The following TMPRSS11A variants were observed in gnomAD, a reference collection of about 807,000 sequenced individuals.
The protein encoded by TMPRSS11A is transmembrane serine protease 11A.
In TMPRSS11A, 53 loss-of-function variants were observed where a neutral mutation model predicts 58.9. The observed-to-expected ratio is 0.90, with a 90% CI of 0.72 to 1.13. The LOEUF is 1.13. TMPRSS11A is among the 50% of genes most tolerant of loss of function. The pLI is 0.00. For missense variants in TMPRSS11A, 493 were observed against 499.3 expected (o/e 0.99, Z 0.12); for synonymous variants, 167 against 169.8 (o/e 0.98, Z 0.13).
intron 1 of TMPRSS11A, among the ~76,000 whole-genome samples, chr4:67,962,799 T>A (rs1721470042): frequency 6.6e-6 from 1 of 152,218 alleles, no homozygotes. Context: ...ATTCATGTAT[T>A]TTTTCTTCAA....
intron 3 of TMPRSS11A, among the ~76,000 whole-genome samples, chr4:67,943,972 A>C (rs1223945564): frequency 1.3e-5 from 2 of 152,138 alleles, no homozygotes; most frequent in East Asian, 3.8e-4. Flanking sequence ...TATACAACTG[A>C]GTGTGCTTTT....
At chr4:67,948,093 C>G (rs995440612) in intron 1 of TMPRSS11A, among the ~76,000 whole-genome samples, 1 of 151,052 alleles carries the variant, frequency 6.6e-6, no homozygotes, top group Non-Finnish European at 1.5e-5. Flanking sequence ...ATTTTCTTCA[C>G]AGGATTGGTT....
chr4:67,950,221 C>T (rs1019335353), intron 1 of TMPRSS11A, among the ~76,000 whole-genome samples: 3 of 152,146 alleles, frequency 2.0e-5, no homozygotes, highest in African/African-American at 4.8e-5. Context: ...AATTTGTGAT[C>T]CTCTTCCAAG....
intron 7 of TMPRSS11A, among the ~76,000 whole-genome samples, chr4:67,921,886 G>C (rs1720340528): frequency 6.6e-6 from 1 of 152,036 alleles, no homozygotes; most frequent in African/African-American, 2.4e-5. Context: ...AATTGGCAAT[G>C]AAGAAGAAAG....
intron 3 of TMPRSS11A, among the ~76,000 whole-genome samples, chr4:67,939,286 A>G (rs935907477): frequency 7.2e-5 from 11 of 152,070 alleles, no homozygotes; most frequent in South Asian, 4.1e-4. Flanking sequence ...ACTTTACTGA[A>G]GTTGTTTATC....
At chr4:67,939,210 T>G (rs1488249774) in intron 3 of TMPRSS11A, among the ~76,000 whole-genome samples, 2 of 152,156 alleles carry the variant, frequency 1.3e-5, no homozygotes, top group Non-Finnish European at 2.9e-5. Flanking sequence ...CTTGATTTGG[T>G]TCTCAGCTTG....
rs975041305 is a variant in TMPRSS11A at position 67,924,227 on chromosome 4, C to T, written c.482-61G>A. 17 of 1,418,310 alleles carry T rather than the reference C, an allele frequency of 1.2e-5. No homozygotes were observed. The African/African-American group carries it at 2.0e-4, about 16-fold the overall frequency. 87.9% of individuals were successfully genotyped at this position (1,418,310 alleles called of 1,614,324 possible). A position where few individuals can be genotyped will look rare whatever the true frequency, so the allele number is the denominator to read the frequency against. On this transcript the variant is annotated intron_variant, in intron 5 of 9. Coordinates refer to ENST00000508048, the MANE Select transcript of TMPRSS11A (RefSeq NM_001114387.2). The stretch of plus-strand genomic sequence containing the variant: ...ATATTTTCCTGGTTGGTCTCAATGA[C>T]CAGGAATAATCAGAGGATACTGACC...
chr4:67,914,280 A>G (rs1187636667), intron 9 of TMPRSS11A, among the ~76,000 whole-genome samples: 4 of 152,142 alleles, frequency 2.6e-5, no homozygotes, highest in Admixed American at 2.0e-4. Flanking sequence ...ACATCACTTT[A>G]TACTTCTCTG....
chr4:67,942,829 G>C (rs10001742), intron 3 of TMPRSS11A, among the ~76,000 whole-genome samples: 79,420 of 151,920 alleles, frequency 0.52, 21,481 homozygotes, highest in Non-Finnish European at 0.58. Flanking sequence ...TACACACTAT[G>C]AATTAGCAGC....
At chr4:67,915,602 G>T (rs985342405) in intron 8 of TMPRSS11A, among the ~76,000 whole-genome samples, 3 of 152,186 alleles carry the variant, frequency 2.0e-5, no homozygotes, top group Non-Finnish European at 4.4e-5. Context: ...GATTATCAAA[G>T]GTGGGCCTGA....
At chr4:67,960,417 AG>A (rs1721395636) in intron 1 of TMPRSS11A, among the ~76,000 whole-genome samples, 1 of 152,206 alleles carries the variant, frequency 6.6e-6, no homozygotes, top group African/African-American at 2.4e-5. Flanking sequence ...TTGAAATTCC[AG>A]CTCCTTCACT....
intron 1 of TMPRSS11A, among the ~76,000 whole-genome samples, chr4:67,956,571 A>G (rs1247369229): frequency 6.6e-6 from 1 of 152,340 alleles, no homozygotes; most frequent in East Asian, 1.9e-4. Flanking sequence ...CCTATAAAAT[A>G]GGGCAGGGAC....
At chr4:67,917,599 C>G (rs1720194136) in intron 8 of TMPRSS11A, among the ~76,000 whole-genome samples, 1 of 152,136 alleles carries the variant, frequency 6.6e-6, no homozygotes, top group Non-Finnish European at 1.5e-5. Context: ...TTAATTTAAT[C>G]TATTTAATAG....
At chr4:67,940,982 G>T (rs1012179761) in intron 3 of TMPRSS11A, among the ~76,000 whole-genome samples, 1 of 152,116 alleles carries the variant, frequency 6.6e-6, no homozygotes, top group African/African-American at 2.4e-5. Context: ...TTCTCCACCT[G>T]CAGGATGGCC....
chr4:67,914,596 C>T lies in TMPRSS11A; in HGVS notation c.1087G>A (p.Ala363Thr), dbSNP rs533639968. The T allele has an allele frequency of 6.2e-7, 1 of 1,613,466 alleles. No individual in the cohort carries two copies. The highest frequency in any genetic ancestry group is 1.3e-5 in the African/African-American group (1 of 75,018). The change falls in exon 9 of 10, where the codon GCC (alanine) becomes ACC (threonine). Residue 363 changes from alanine to threonine, a missense_variant. Coordinates refer to ENST00000508048, the MANE Select transcript of TMPRSS11A (RefSeq NM_001114387.2). The stretch of plus-strand genomic sequence containing the variant: ...AAATCCCTCCAACTTACCCTGCAGG[C>T]ATCATAAATTCCTTCCATATATCCG... Reference protein sequence around the residue: ...CAGYMEGIYDACRGDSGGPLV... With the variant: ...CAGYMEGIYDTCRGDSGGPLV...
chr4:67,929,096 T>C (rs1720546155), intron 5 of TMPRSS11A, among the ~76,000 whole-genome samples: 1 of 152,270 alleles, frequency 6.6e-6, no homozygotes, highest in East Asian at 1.9e-4. Context: ...TTTTAAGAAA[T>C]TAGAGATTTA....
chr4:67,911,419 C>A lies in TMPRSS11A; in HGVS notation c.1180G>T (p.Gly394Cys). 6.2e-7 allele frequency: 1 copy of A among 1,612,934 alleles called. No homozygotes were observed. Among genetic ancestry groups the A allele is most frequent in the Non-Finnish European group, 8.5e-7 (1 of 1,179,388 alleles). ...IGIVSWGDNCGQKDKPGVYTQ... is the reference protein window; with the variant it reads ...IGIVSWGDNCCQKDKPGVYTQ... ...TAGACTCCAGGCTTGTCCTTTTGAC[C>A]ACAGTTATCTCCCCAGCTTACAATT... Residue 394 changes from glycine to cysteine, a missense_variant, in exon 10 of 10, where the codon GGT becomes TGT. Gly to Cys is a radical substitution (Grantham distance 159, BLOSUM62 -3). Coordinates refer to ENST00000508048, the MANE Select transcript of TMPRSS11A (RefSeq NM_001114387.2).
intron 3 of TMPRSS11A, among the ~76,000 whole-genome samples, chr4:67,937,503 T>A (rs9994519): frequency 0.017 from 2,516 of 152,310 alleles, 63 homozygotes; most frequent in African/African-American, 0.058. Flanking sequence ...ATTTTAATAA[T>A]TTTATCTTCT....
chr4:67,916,185 C>T (rs1486399959), intron 8 of TMPRSS11A, among the ~76,000 whole-genome samples: 1 of 152,002 alleles, frequency 6.6e-6, no homozygotes, highest in African/African-American at 2.4e-5. Flanking sequence ...TCTTAGTTAA[C>T]TAGATTTAAC....
Sources: allele counts gnomAD v4.1 joint callset (sites outside exome capture counted in the v4.1 genomes callset), GRCh38; gene constraint gnomAD v4.1.1; transcripts MANE v1.5; gene names NCBI Gene and HGNC (gene_info 2026-07-23, HGNC 2026-07-21).